Variants in MAVS observed in about 807,000 individuals in gnomAD.
MAVS encodes the protein mitochondrial antiviral-signaling protein.
A neutral mutation model predicts 30.2 loss-of-function variants in MAVS; 20 were observed. The ratio of observed to expected loss-of-function variants is 0.66; its 90% CI spans 0.47 to 0.96. MAVS has a LOEUF of 0.96. Ranked by LOEUF, MAVS falls within the 40% of genes least tolerant of loss-of-function variation. The pLI is 0.00. For synonymous variants in MAVS, 278 were observed against 293.9 expected, an observed-to-expected ratio of 0.95 and a Z score of 0.55; for missense variants, 624 against 701.1, an observed-to-expected ratio of 0.89 and a Z score of 1.24.
At chr20:3,862,835 T>G (rs1418725093) in intron 5 of MAVS, among the ~76,000 whole-genome samples, 1 of 152,126 alleles carries the variant, frequency 6.6e-6, no homozygotes, top group Non-Finnish European at 1.5e-5. Context: ...TCATGGCAGC[T>G]GGGCAGAGTT....
intron 5 of MAVS, among the ~76,000 whole-genome samples, chr20:3,863,860 CATG>C (rs1468120265): frequency 6.6e-6 from 1 of 152,126 alleles, no homozygotes; most frequent in African/African-American, 2.4e-5. Flanking sequence ...TGCTCCCACT[CATG>C]GTGGTAGGAG....
Position 3,871,976 on chromosome 20 carries a change from G to C in MAVS, c.*5829G>C, listed in dbSNP as rs1019980608. 1 of 152,290 alleles carries C rather than the reference G, an allele frequency of 6.6e-6. No homozygotes were observed. Among genetic ancestry groups the C allele is most frequent in the African/African-American group, 2.4e-5 (1 of 41,430 alleles). 9.4% of individuals were successfully genotyped at this position (152,290 alleles called of 1,614,324 possible). On this transcript the variant is annotated 3_prime_UTR_variant, in exon 7 of 7. Coordinates refer to ENST00000428216, the MANE Select transcript of MAVS (RefSeq NM_020746.5). ...CATTTAATCCTCATAATGACCCTAT[G>C]AAAGAGATACCATCTCAACCCAATT...
At chr20:3,858,246 C>T (rs938584680) in intron 3 of MAVS, among the ~76,000 whole-genome samples, 1 of 152,078 alleles carries the variant, frequency 6.6e-6, no homozygotes, top group Middle Eastern at 3.2e-3. Flanking sequence ...CTTCTCTTCC[C>T]CTCCCCTGGT....
rs760084429 is a variant in MAVS, at chr20:3,860,437, C to T, written c.293-895C>T. Among the ~76,000 whole-genome samples, 12 of 147,812 alleles carry T rather than the reference C, an allele frequency of 8.1e-5. No individual in the cohort carries two copies. The Middle Eastern group carries it at 0.026, about 319-fold the overall frequency. On this transcript the variant is annotated intron_variant, in intron 3 of 6. Coordinates refer to ENST00000428216, the MANE Select transcript of MAVS (RefSeq NM_020746.5). ...TTGCCCAGGCTGGAGTGCAATGGTGCAATCTCAGGTCATGGCAACCTTCAC... is the reference window on the plus strand; with the variant it reads ...TTGCCCAGGCTGGAGTGCAATGGTGTAATCTCAGGTCATGGCAACCTTCAC...
chr20:3,852,161 A>T (rs1316981167), intron 1 of MAVS, among the ~76,000 whole-genome samples: 1 of 151,690 alleles, frequency 6.6e-6, no homozygotes, highest in Non-Finnish European at 1.5e-5. Flanking sequence ...CGCCGGGCTA[A>T]TTTTTTGTAT....
rs2089944426 is a variant in MAVS at position 3,870,326 on chromosome 20, C to T, written c.*4179C>T. The stretch of plus-strand genomic sequence containing the variant: ...CAGCAATGGTATCTGCATATTAGCC[C>T]CTCTCCACCTTCTTTCTCCCGCTGA... On this transcript the variant is annotated 3_prime_UTR_variant, in exon 7 of 7. Transcript: ENST00000428216. 6.6e-6 allele frequency: 1 copy of T among 152,364 alleles called. No individual in the cohort carries two copies. The highest frequency in any genetic ancestry group is 1.5e-5 in the Non-Finnish European group (1 of 68,114). 9.4% of individuals were successfully genotyped at this position (152,364 alleles called of 1,614,324 possible). A position where few individuals can be genotyped will look rare whatever the true frequency, so the allele number is the denominator to read the frequency against.
In MAVS at chr20:3,864,236, TTG is replaced by T; in HGVS notation, c.626-16_626-15del. On this transcript the variant is annotated intron_variant, in intron 5 of 6. Coordinates refer to ENST00000428216, the MANE Select transcript of MAVS (RefSeq NM_020746.5). ...ATGGTCTTTGGGTCTGTGTTTCCAC[TTG>T]TGTTTTTCCACCGGCAGGTGCGACC... 6.3e-7 allele frequency: 1 copy of T among 1,588,374 alleles called. No homozygotes were observed. The highest frequency in any genetic ancestry group is 1.2e-5 in the South Asian group (1 of 86,494).
intron 3 of MAVS, among the ~76,000 whole-genome samples, chr20:3,860,267 G>A (rs893217521): frequency 1.9e-4 from 29 of 151,594 alleles, no homozygotes; most frequent in Admixed American, 3.9e-4. Context: ...TTGCTCAGTC[G>A]CCCAGGCTGG....
In MAVS at chr20:3,867,426, T is replaced by A. The variant is rs1254840036; in HGVS notation, c.*1279T>A. The A allele has an allele frequency of 5.4e-6, 1 of 186,434 alleles. No individual in the cohort carries two copies. Among genetic ancestry groups the A allele is most frequent in the Non-Finnish European group, 1.1e-5 (1 of 87,780 alleles). 11.5% of individuals were successfully genotyped at this position (186,434 alleles called of 1,614,324 possible). Reference sequence around the variant, plus strand: ...GGCATGCTGGGCAACAGGGACCCCATCTCTACAAAAAAGTTTAAAAAATTA... The same window carrying A: ...GGCATGCTGGGCAACAGGGACCCCAACTCTACAAAAAAGTTTAAAAAATTA... On this transcript the variant is annotated 3_prime_UTR_variant, in exon 7 of 7. Transcript: ENST00000428216.
In MAVS at chr20:3,866,776, TG is replaced by T; in HGVS notation, c.*630del. 2 of 400,322 alleles carry T rather than the reference TG, an allele frequency of 5.0e-6. No individual in the cohort carries two copies. The highest frequency in any genetic ancestry group is 3.7e-5 in the South Asian group (2 of 53,424). 24.8% of individuals were successfully genotyped at this position (400,322 alleles called of 1,614,324 possible). ...GGACCTCAGGGAAGCCAGGGGCAGC[TG>T]TCAGGCCTGAGGAAGACCTGTGGAG... On this transcript the variant is annotated 3_prime_UTR_variant, in exon 7 of 7. Transcript: ENST00000428216.
chr20:3,847,883 C>T (rs886288406), intron 1 of MAVS, among the ~76,000 whole-genome samples: 1 of 152,184 alleles, frequency 6.6e-6, no homozygotes, highest in African/African-American at 2.4e-5. Context: ...AACACTTTCC[C>T]TGTCACGGGA....
At chr20:3,856,515 C>A (rs1170726251) in intron 2 of MAVS, among the ~76,000 whole-genome samples, 3 of 151,796 alleles carry the variant, frequency 2.0e-5, no homozygotes. Flanking sequence ...CCACACCCGG[C>A]TAATTTTTGT....
chr20:3,850,872 C>G (rs6116067), intron 1 of MAVS, among the ~76,000 whole-genome samples: 1 of 136,074 alleles, frequency 7.3e-6, no homozygotes, highest in African/African-American at 2.8e-5. Context: ...GGTGACAGAG[C>G]GAAACTCCGT....
At position 3,875,761 on chromosome 20, in the gene MAVS, T is replaced by G. The variant is rs2089986796; in HGVS notation, c.*9614T>G. The G allele has an allele frequency of 6.6e-6, 1 of 152,434 alleles. No homozygotes were observed. The highest frequency in any genetic ancestry group is 2.4e-5 in the African/African-American group (1 of 41,454). 9.4% of individuals were successfully genotyped at this position (152,434 alleles called of 1,614,324 possible). ...CAGTCCCTCTGCCCTTGGGTGTCCT[T>G]GGCACAAGGCAGGCTAGGCTGCACC... On this transcript the variant is annotated 3_prime_UTR_variant, in exon 7 of 7. Coordinates refer to ENST00000428216, the MANE Select transcript of MAVS (RefSeq NM_020746.5).
intron 4 of MAVS, among the ~76,000 whole-genome samples, chr20:3,861,745 G>T (rs2089868956): frequency 6.7e-6 from 1 of 148,816 alleles, no homozygotes; most frequent in Non-Finnish European, 1.5e-5. Context: ...CCACAGTTTT[G>T]TGTGTGTGTG....
In MAVS at chr20:3,873,187, C is replaced by G. The variant is rs145974134; in HGVS notation, c.*7040C>G. On this transcript the variant is annotated 3_prime_UTR_variant, in exon 7 of 7. Coordinates refer to ENST00000428216, the MANE Select transcript of MAVS (RefSeq NM_020746.5). Reference sequence around the variant, plus strand: ...TGCTGTGTTGTGAATGTAGGTGTACCCTTTGAATTCATATGTTGAATCCTA... The same window carrying G: ...TGCTGTGTTGTGAATGTAGGTGTACGCTTTGAATTCATATGTTGAATCCTA... 2.0e-5 allele frequency: 3 copies of G among 151,976 alleles called. No individual in the cohort carries two copies. The East Asian group carries it at 5.8e-4, about 29-fold the overall frequency. 9.4% of individuals were successfully genotyped at this position (151,976 alleles called of 1,614,324 possible).
chr20:3,857,936 T>C (rs1268504505), intron 3 of MAVS, 127 bp downstream of exon 3: 5 of 1,083,284 alleles, frequency 4.6e-6, no homozygotes, highest in Non-Finnish European at 6.9e-6. Flanking sequence ...AAGCGATGAA[T>C]AAACCTGGGT....
Position 3,864,311 on chromosome 20 carries a change from C to T in MAVS, c.681C>T (p.Phe227=). The T allele has an allele frequency of 6.2e-7, 1 of 1,613,848 alleles. No individual in the cohort carries two copies. The highest frequency in any genetic ancestry group is 8.5e-7 in the Non-Finnish European group (1 of 1,179,880). ...SRGPVSPSVS[F]QPLARSTPRA... ...GGCCTGTGTCTCCATCTGTCTCCTT[C>T]CAGCCCCTGGCCCGTTCCACCCCCA... The change falls in exon 6 of 7, where the codon TTC becomes TTT. Residue 227 remains phenylalanine (F), a synonymous_variant. Transcript: ENST00000428216.
chr20:3,865,536 C>T lies in MAVS; in HGVS notation c.1159-147C>T. 2 of 755,222 alleles carry T rather than the reference C, an allele frequency of 2.6e-6. No individual in the cohort carries two copies. Among genetic ancestry groups the T allele is most frequent in the Non-Finnish European group, 4.2e-6 (2 of 477,318 alleles). 46.8% of individuals were successfully genotyped at this position (755,222 alleles called of 1,614,324 possible). A position where few individuals can be genotyped will look rare whatever the true frequency, so the allele number is the denominator to read the frequency against. ...TTGGTCCCCTCTACCCCCACTGCTC[C>T]AAGAAAAGGTGGCCTAGGGGCATTA... is the stretch of plus-strand genomic sequence containing the variant. On this transcript the variant is annotated intron_variant, in intron 6 of 6. Coordinates refer to ENST00000428216, the MANE Select transcript of MAVS (RefSeq NM_020746.5). The surrounding 1 kb of genome is among the most constrained non-coding windows in gnomAD (Gnocchi z 4.7).
Sources: allele counts gnomAD v4.1 joint callset (sites outside exome capture counted in the v4.1 genomes callset), GRCh38; gene constraint gnomAD v4.1.1; non-coding constraint Gnocchi (gnomAD v3.1); transcripts MANE v1.5; gene names NCBI Gene and HGNC (gene_info 2026-07-23, HGNC 2026-07-21).